Variants in GLI4 observed in about 807,000 individuals in gnomAD.
The protein encoded by GLI4 is zinc finger protein GLI4.
In GLI4, 34 loss-of-function variants were observed where a neutral mutation model predicts 30.9. That is an observed-to-expected ratio of 1.10 (90% CI 0.84 to 1.47). The LOEUF is 1.47. Ranked by LOEUF, GLI4 falls within the 40% of genes most tolerant of loss-of-function variation. The pLI is 0.00. For synonymous variants in GLI4, 277 were observed against 236.7 expected (o/e 1.17, Z -1.56); for missense variants, 696 against 538.9 (o/e 1.29, Z -2.89).
At chr8:143,270,898 A>G (rs1448731938) in intron 2 of GLI4, among the ~76,000 whole-genome samples, 1 of 152,184 alleles carries the variant, frequency 6.6e-6, no homozygotes, top group East Asian at 1.9e-4. Context: ...TTTCTGCAGG[A>G]TAAGAAACTG....
intron 1 of GLI4, 54 bp downstream of exon 1, chr8:143,267,538 C>T: frequency 1.0e-6 from 1 of 985,662 alleles, no homozygotes; most frequent in South Asian, 4.6e-5. Context: ...CCAGCCCAGT[C>T]CGAGCTCGTG....
chr8:143,276,902 T>G lies in GLI4; in HGVS notation c.*98T>G. On this transcript the variant is annotated 3_prime_UTR_variant, in exon 4 of 4. Coordinates refer to ENST00000340042, the MANE Select transcript of GLI4 (RefSeq NM_138465.4). ...ACTGCCCAGCACCGCATGCCACGTG[T>G]CCGGAATAAATTCTTTTTGATTGTT... The G allele has an allele frequency of 1.3e-6, 1 of 764,144 alleles. No individual in the cohort carries two copies. Among genetic ancestry groups the G allele is most frequent in the Non-Finnish European group, 2.1e-6 (1 of 486,124 alleles). The allele number at this position is 764,144 out of a possible 1,614,324, so 47.3% of individuals were successfully genotyped here. A position where few individuals can be genotyped will look rare whatever the true frequency, so the allele number is the denominator to read the frequency against.
rs1411547166 is a variant in GLI4, at chr8:143,276,726, C to T, written c.1053C>T (p.Phe351=). The change falls in exon 4 of 4, where the codon TTC becomes TTT. Residue 351 remains phenylalanine, a synonymous_variant. Coordinates refer to ENST00000340042, the MANE Select transcript of GLI4 (RefSeq NM_138465.4). ...HLRTHTGEKP[F]ACGACGKAFG... ...GGACCCACACGGGCGAGAAGCCCTT[C>T]GCGTGTGGCGCCTGCGGCAAGGCCT... The T allele has an allele frequency of 1.2e-6, 2 of 1,609,570 alleles. No individual in the cohort carries two copies. Among genetic ancestry groups the T allele is most frequent in the Non-Finnish European group, 8.5e-7 (1 of 1,178,426 alleles).
intron 2 of GLI4, among the ~76,000 whole-genome samples, chr8:143,271,451 G>A (rs1438450703): frequency 3.9e-5 from 6 of 152,212 alleles, no homozygotes; most frequent in South Asian, 2.1e-4. Flanking sequence ...CTGTTTCTGG[G>A]CGTTTCCAGC....
At chr8:143,273,745 C>A (rs78618825) in intron 2 of GLI4, among the ~76,000 whole-genome samples, 1 of 152,228 alleles carries the variant, frequency 6.6e-6, no homozygotes, top group Non-Finnish European at 1.5e-5. Context: ...ATTGTCATTG[C>A]TGGGGACACC....
chr8:143,275,502 C>T (rs3812434), intron 3 of GLI4: 373,027 of 1,282,042 alleles, frequency 0.29, 57,680 homozygotes, highest in African/African-American at 0.52. Flanking sequence ...GGACCACATC[C>T]TCGGCAAGGG....
chr8:143,270,414 C>G (rs944877560), intron 2 of GLI4, among the ~76,000 whole-genome samples: 3 of 152,212 alleles, frequency 2.0e-5, no homozygotes, highest in African/African-American at 7.2e-5. Flanking sequence ...AGCTTGGCAT[C>G]CACTCCCCTG....
Position 143,276,319 on chromosome 8 carries a change from T to C in GLI4, c.646T>C (p.Cys216Arg). The C allele has an allele frequency of 1.9e-6, 3 of 1,611,480 alleles. No homozygotes were observed. Among genetic ancestry groups the C allele is most frequent in the Non-Finnish European group, 2.5e-6 (3 of 1,179,410 alleles). ...CGAGAAGCCCTACGCCTGCCACGAGTGCGGCAAGCGCTTCCGCGGCTGGTC... is the reference window on the plus strand; with the variant it reads ...CGAGAAGCCCTACGCCTGCCACGAGCGCGGCAAGCGCTTCCGCGGCTGGTC... ...TGEKPYACHE[C>R]GKRFRGWSGF... is the part of the protein sequence containing the mutation. Residue 216 changes from cysteine (C) to arginine (R), a missense_variant, in exon 4 of 4, where the codon TGC (cysteine) becomes CGC (arginine). Cys to Arg is a radical substitution (Grantham distance 180, BLOSUM62 -3). Coordinates refer to ENST00000340042, the MANE Select transcript of GLI4 (RefSeq NM_138465.4).
intron 1 of GLI4, among the ~76,000 whole-genome samples, chr8:143,268,714 C>T (rs992112961): frequency 3.9e-5 from 6 of 152,238 alleles, no homozygotes; most frequent in African/African-American, 7.2e-5. Context: ...GGTGATGCCA[C>T]GGGCTGGAAG....
Position 143,276,428 on chromosome 8 carries a change from C to A in GLI4, c.755C>A (p.Ser252Ter). Residue 252 changes from serine to a stop codon, truncating the protein, a stop_gained, in exon 4 of 4, where the codon TCG becomes TAG. Transcript: ENST00000340042. LOFTEE classifies it high-confidence loss of function. ...GQCGRAFSHSSHFTQHLRIHN... is the reference protein window; with the variant it reads ...GQCGRAFSHS Reference sequence around the variant, plus strand: ...TGCGGCCGCGCCTTCAGCCACAGCTCGCACTTCACGCAGCACCTGCGCATC... The same window carrying A: ...TGCGGCCGCGCCTTCAGCCACAGCTAGCACTTCACGCAGCACCTGCGCATC... 6.2e-7 allele frequency: 1 copy of A among 1,612,756 alleles called. No individual in the cohort carries two copies. Among genetic ancestry groups the A allele is most frequent in the South Asian group, 1.1e-5 (1 of 91,062 alleles).
chr8:143,276,297 G>A lies in GLI4; in HGVS notation c.624G>A (p.Glu208=). The change falls in exon 4 of 4, where the codon GAG becomes GAA. Residue 208 remains glutamate (E), a synonymous_variant. Transcript: ENST00000340042. ...AGCACCAGCGCATCCACACGGGCGA[G>A]AAGCCCTACGCCTGCCACGAGTGCG... ...LLKHQRIHTG[E]KPYACHECGK... is the part of the protein sequence containing the mutation. 1.9e-6 allele frequency: 3 copies of A among 1,611,798 alleles called. No individual in the cohort carries two copies. The highest frequency in any genetic ancestry group is 1.6e-4 in the Middle Eastern group (1 of 6,062).
At chr8:143,275,457 G>T in intron 3 of GLI4, 1 of 1,362,122 alleles carries the variant, frequency 7.3e-7, no homozygotes, top group Non-Finnish European at 9.4e-7. Flanking sequence ...TGCCACCGAG[G>T]CCTGGGGCAG....
intron 2 of GLI4, among the ~76,000 whole-genome samples, chr8:143,270,298 G>A (rs1245503501): frequency 6.6e-6 from 1 of 152,244 alleles, no homozygotes; most frequent in Non-Finnish European, 1.5e-5. Flanking sequence ...GAGAGCAGCT[G>A]CGCTGCATGG....
intron 1 of GLI4, chr8:143,267,850 C>G (rs1299395096): frequency 5.1e-6 from 5 of 985,334 alleles, no homozygotes; most frequent in Non-Finnish European, 6.0e-6. Flanking sequence ...GCCGCACCGC[C>G]GGGCGGACGC....
Position 143,276,797 on chromosome 8 carries a change from G to A in GLI4, c.1124G>A (p.Arg375His), listed in dbSNP as rs1432372013. 5 of 1,560,364 alleles carry A rather than the reference G, an allele frequency of 3.2e-6. No individual in the cohort carries two copies. Among genetic ancestry groups the A allele is most frequent in the African/African-American group, 1.4e-5 (1 of 73,642 alleles). ...QLIQHQRVHY[R>H]E ...ATCCAGCACCAGCGGGTGCACTACC[G>A]CGAGTAGCCGGGCGGGGGCTCGGGG... The change falls in exon 4 of 4, where the codon CGC becomes CAC. Residue 375 changes from arginine (R) to histidine (H), a missense_variant. Coordinates refer to ENST00000340042, the MANE Select transcript of GLI4 (RefSeq NM_138465.4).
rs551314642 is a variant in GLI4 at position 143,276,439 on chromosome 8, C to G, written c.766C>G (p.Gln256Glu). 1 of 1,612,622 alleles carries G rather than the reference C, an allele frequency of 6.2e-7. No homozygotes were observed. Among genetic ancestry groups the G allele is most frequent in the East Asian group, 2.2e-5 (1 of 44,858 alleles). Residue 256 changes from glutamine (Q) to glutamate (E), a missense_variant, in exon 4 of 4, where the codon CAG (glutamine) becomes GAG (glutamate). Transcript: ENST00000340042. ...RAFSHSSHFT[Q>E]HLRIHNGEKP... The stretch of plus-strand genomic sequence containing the variant: ...CTTCAGCCACAGCTCGCACTTCACG[C>G]AGCACCTGCGCATCCACAACGGCGA...
At chr8:143,269,238 C>T (rs1233263766) in intron 1 of GLI4, 122 bp from the exon 2 acceptor site, 7 of 733,496 alleles carry the variant, frequency 9.5e-6, no homozygotes, top group African/African-American at 8.8e-5. Flanking sequence ...TCCATCCTTG[C>T]TCCTCCTGGA....
intron 1 of GLI4, among the ~76,000 whole-genome samples, chr8:143,268,365 A>G (rs935812302): frequency 6.6e-6 from 1 of 151,972 alleles, no homozygotes; most frequent in African/African-American, 2.4e-5. Flanking sequence ...AGGAGTTCCT[A>G]CTCTATCACA....
In GLI4 at chr8:143,276,573, C is replaced by T. The variant is rs760942036; in HGVS notation, c.900C>T (p.Cys300=). The T allele has an allele frequency of 3.1e-6, 5 of 1,612,392 alleles. No homozygotes were observed. The highest frequency in any genetic ancestry group is 4.2e-6 in the Non-Finnish European group (5 of 1,179,504). The part of the protein sequence containing the change: ...TGEKPYACSQ[C]GKAFIWSSVL... Reference sequence around the variant, plus strand: ...AGAAGCCCTACGCCTGCAGCCAGTGCGGCAAGGCCTTCATCTGGAGCTCCG... The same window carrying T: ...AGAAGCCCTACGCCTGCAGCCAGTGTGGCAAGGCCTTCATCTGGAGCTCCG... The change falls in exon 4 of 4, where the codon TGC becomes TGT. Residue 300 remains cysteine, a synonymous_variant. Coordinates refer to ENST00000340042, the MANE Select transcript of GLI4 (RefSeq NM_138465.4).
Sources: gnomAD v4.1 joint callset for allele counts (sites outside exome capture counted in the v4.1 genomes callset) on GRCh38, gnomAD v4.1.1 for gene constraint, MANE v1.5 for transcripts, NCBI Gene and HGNC (gene_info 2026-07-23, HGNC 2026-07-21) for gene names.